The following PARG variants were observed in gnomAD, a reference collection of about 807,000 sequenced individuals.
PARG encodes the protein poly(ADP-ribose) glycohydrolase, also known as mitochondrial poly(ADP-ribose) glycohydrolase.
A neutral mutation model predicts 113.0 loss-of-function variants in PARG; 35 were observed. That is an observed-to-expected ratio of 0.31 (90% CI 0.24 to 0.41). The LOEUF is 0.41. Among genes scored for constraint, PARG ranks in the 10% least tolerant of loss-of-function variants. PARG has a pLI of 1.00. For synonymous variants in PARG, 330 were observed against 409.9 expected (o/e 0.81, Z 2.36); for missense variants, 797 against 1,169.4 (o/e 0.68, Z 4.64).
At chr10:49,938,609 TTTC>T (rs1838863258) in intron 1 of PARG, among the ~76,000 whole-genome samples, 1 of 151,826 alleles carries the variant, frequency 6.6e-6, no homozygotes. Context: ...AGATTTTTTT[TTTC>T]TTTTTTCAGA....
intron 16 of PARG, 23 bp from the exon 17 acceptor site, chr10:49,820,316 G>T (rs1031493192): frequency 1.3e-6 from 2 of 1,528,040 alleles, no homozygotes; most frequent in East Asian, 2.5e-5. Flanking sequence ...GAAAAGACAC[G>T]GCTATATCAT....
Position 49,941,999 on chromosome 10 carries a change from A to T in PARG, c.-274T>A. 5.3e-6 allele frequency: 5 copies of T among 936,482 alleles called. No homozygotes were observed. Among genetic ancestry groups the T allele is most frequent in the Non-Finnish European group, 8.1e-6 (5 of 618,036 alleles). The allele number at this position is 936,482 out of a possible 1,614,324, so 58.0% of individuals were successfully genotyped here. A position where few individuals can be genotyped will look rare whatever the true frequency, so the allele number is the denominator to read the frequency against. On this transcript the variant is annotated 5_prime_UTR_variant, in exon 1 of 18. Coordinates refer to ENST00000616448, the MANE Select transcript of PARG (RefSeq NM_003631.5). ...TTCCCACCACCGGAAAGCTGCCGTC[A>T]GGCGCTTCCGGCTTCCGGGGCGCAC...
At chr10:49,821,245 GTTACC>G (rs1844061989) in intron 16 of PARG, among the ~76,000 whole-genome samples, 1 of 152,108 alleles carries the variant, frequency 6.6e-6, no homozygotes, top group African/African-American at 2.4e-5. Flanking sequence ...CGAAAATTTA[GTTACC>G]TTACAATCTC....
Position 49,843,509 on chromosome 10 carries a change from C to T in PARG, c.2432+45G>A, listed in dbSNP as rs1489289858. 5 of 1,241,110 alleles carry T rather than the reference C, an allele frequency of 4.0e-6. No individual in the cohort carries two copies. In the East Asian group the frequency reaches 1.0e-4, roughly 25 times the overall value. 76.9% of individuals were successfully genotyped at this position (1,241,110 alleles called of 1,614,324 possible). A position where few individuals can be genotyped will look rare whatever the true frequency, so the allele number is the denominator to read the frequency against. On this transcript the variant is annotated intron_variant, in intron 14 of 17. Coordinates refer to ENST00000616448, the MANE Select transcript of PARG (RefSeq NM_003631.5). The stretch of plus-strand genomic sequence containing the variant: ...AGTGTGTGAGGGTCAAGCCCAAATT[C>T]CTTTGCTTTTAGCCATGGAATACTG...
At chr10:49,828,103 A>C (rs922730993) in intron 16 of PARG, among the ~76,000 whole-genome samples, 2 of 145,914 alleles carry the variant, frequency 1.4e-5, no homozygotes, top group African/African-American at 5.0e-5. Context: ...AAAAAAAAAA[A>C]AAAAAAAAAA....
At chr10:49,838,926 C>T (rs975019933) in intron 15 of PARG, among the ~76,000 whole-genome samples, 3 of 152,306 alleles carry the variant, frequency 2.0e-5, no homozygotes, top group South Asian at 2.1e-4. Flanking sequence ...CTTTATTGAG[C>T]ACTTGAAGAA....
At chr10:49,874,293 G>C (rs571215546) in intron 9 of PARG, among the ~76,000 whole-genome samples, 1 of 151,876 alleles carries the variant, frequency 6.6e-6, no homozygotes, top group Non-Finnish European at 1.5e-5. Flanking sequence ...CTAAAATAAG[G>C]CATTACATAA....
chr10:49,903,881 C>T (rs1264433672), intron 7 of PARG, among the ~76,000 whole-genome samples: 2 of 151,990 alleles, frequency 1.3e-5, no homozygotes, highest in African/African-American at 4.8e-5. Flanking sequence ...AGATGAAATG[C>T]CATGGAGGTT....
At chr10:49,881,141 G>C (rs1399905830) in intron 8 of PARG, among the ~76,000 whole-genome samples, 2 of 152,154 alleles carry the variant, frequency 1.3e-5, no homozygotes, top group African/African-American at 4.8e-5. Context: ...GATAATAACT[G>C]TTCCAACCAA....
intron 7 of PARG, among the ~76,000 whole-genome samples, chr10:49,892,926 A>G (rs547545907): frequency 1.3e-5 from 2 of 152,348 alleles, no homozygotes; most frequent in African/African-American, 4.8e-5. Flanking sequence ...TACTAAAAAT[A>G]CAAAAATTAT....
intron 6 of PARG, among the ~76,000 whole-genome samples, chr10:49,917,488 CAAAAAAAAAA>C (rs71026277): frequency 0.014 from 656 of 47,606 alleles, no homozygotes; most frequent in East Asian, 0.055. Context: ...GACTCCGTCT[CAAAAAAAAAA>C]AAAAAAAAAG....
intron 1 of PARG, 58 bp from the exon 2 acceptor site, chr10:49,935,200 T>C: frequency 3.0e-6 from 2 of 673,938 alleles, no homozygotes; most frequent in Non-Finnish European, 5.4e-6. Context: ...ATACAGCATA[T>C]TGTACATGCA....
intron 7 of PARG, among the ~76,000 whole-genome samples, chr10:49,903,345 C>A (rs1323581889): frequency 6.6e-6 from 1 of 152,098 alleles, no homozygotes; most frequent in Non-Finnish European, 1.5e-5. Flanking sequence ...TTTCTCTCTA[C>A]CAATCACCAG....
At chr10:49,932,026 T>C (rs2132967226) in intron 4 of PARG, 74 bp downstream of exon 4, 1 of 852,802 alleles carries the variant, frequency 1.2e-6, no homozygotes, top group East Asian at 2.6e-5. Flanking sequence ...CTTGGTCTGT[T>C]TCTCACTTAA....
intron 7 of PARG, 72 bp from the exon 8 acceptor site, chr10:49,885,367 T>C: frequency 1.0e-6 from 1 of 982,378 alleles, no homozygotes; most frequent in Non-Finnish European, 1.6e-6. Flanking sequence ...ATATGTTTGT[T>C]ATGAAATTAA....
In PARG at chr10:49,885,196, C is replaced by A. The variant is rs1554840224; in HGVS notation, c.1830+7G>T. 1 of 1,464,666 alleles carries A rather than the reference C, an allele frequency of 6.8e-7. No homozygotes were observed. Among genetic ancestry groups the A allele is most frequent in the Non-Finnish European group, 9.6e-7 (1 of 1,045,300 alleles). The allele number at this position is 1,464,666 out of a possible 1,614,324, so 90.7% of individuals were successfully genotyped here. ...GGGAAGCTACTGAGGAAGCTACATC[C>A]ACTAACCTGGGTGCAAATATTTGGC... On this transcript the variant is annotated splice_region_variant and intron_variant, in intron 8 of 17. Transcript: ENST00000616448.
At chr10:49,925,365 C>T (rs1179896446) in intron 4 of PARG, among the ~76,000 whole-genome samples, 1 of 152,154 alleles carries the variant, frequency 6.6e-6, no homozygotes, top group Non-Finnish European at 1.5e-5. Context: ...TCTATTGATT[C>T]CAGGTCTTTA....
intron 7 of PARG, among the ~76,000 whole-genome samples, chr10:49,898,002 A>C (rs1848176810): frequency 6.6e-6 from 1 of 152,120 alleles, no homozygotes; most frequent in South Asian, 2.1e-4. Flanking sequence ...CAAAAAAAAC[A>C]AAAAAACACA....
chr10:49,914,542 G>A (rs1407769250), intron 7 of PARG, among the ~76,000 whole-genome samples: 4 of 152,182 alleles, frequency 2.6e-5, no homozygotes, highest in African/African-American at 9.7e-5. Flanking sequence ...TTCTATTAAC[G>A]TGATGTAAGA....
Sources: gnomAD v4.1 joint callset for allele counts (sites outside exome capture counted in the v4.1 genomes callset) on GRCh38, gnomAD v4.1.1 for gene constraint, MANE v1.5 for transcripts, NCBI Gene and HGNC (gene_info 2026-07-23, HGNC 2026-07-21) for gene names.